USH2A: variants seen among roughly 807,000 people sequenced by gnomAD.
The protein encoded by USH2A is Usher syndrome 2A (autosomal recessive, mild).
A neutral mutation model predicts 538.9 loss-of-function variants in USH2A; 443 were observed. That is an observed-to-expected ratio of 0.82 (90% CI 0.76 to 0.89). The LOEUF (loss-of-function observed/expected upper bound fraction) is 0.89, where lower values mean the gene tolerates loss of function less well. USH2A is among the 40% of genes least tolerant of loss of function. USH2A has a pLI of 0.00. For synonymous variants in USH2A, 2,413 were observed against 2,273.5 expected, an observed-to-expected ratio of 1.06 and a Z score of -1.75; for missense variants, 6,633 against 6,324.8, an observed-to-expected ratio of 1.05 and a Z score of -1.65.
intron 37 of USH2A, among the ~76,000 whole-genome samples, chr1:215,946,944 G>A (rs1049919622): frequency 6.6e-6 from 1 of 151,482 alleles, no homozygotes; most frequent in Non-Finnish European, 1.5e-5. Flanking sequence ...ACATAGATTT[G>A]GTAGAAAAAA....
At chr1:216,270,118 G>T (rs1192207245) in intron 11 of USH2A, among the ~76,000 whole-genome samples, 1 of 152,048 alleles carries the variant, frequency 6.6e-6, no homozygotes, top group Non-Finnish European at 1.5e-5. Flanking sequence ...GTAATTTGAA[G>T]CAACACTTTT....
chr1:215,827,147 C>A (rs901206284), intron 47 of USH2A, among the ~76,000 whole-genome samples: 1 of 152,202 alleles, frequency 6.6e-6, no homozygotes, highest in African/African-American at 2.4e-5. Context: ...TTTGAGACAT[C>A]AGTATGGCTT....
In USH2A at chr1:215,786,658, G is replaced by A. The variant is rs758290152; in HGVS notation, c.10387+12C>T. On this transcript the variant is annotated intron_variant, in intron 52 of 71. Transcript: ENST00000307340. ...CCATTAAGCCATGGGCAGACAGCTT[G>A]CTTTCTGTTACCTGTGTAAGAGTAC... The A allele has an allele frequency of 6.2e-7, 1 of 1,613,800 alleles. No individual in the cohort carries two copies. Among genetic ancestry groups the A allele is most frequent in the South Asian group, 1.1e-5 (1 of 91,080 alleles).
At chr1:215,933,286 A>C (rs1216309097) in intron 38 of USH2A, among the ~76,000 whole-genome samples, 1 of 151,936 alleles carries the variant, frequency 6.6e-6, no homozygotes, top group African/African-American at 2.4e-5. Flanking sequence ...AAAAATGAAG[A>C]TATGAATACC....
rs764962815 is a variant in USH2A, at chr1:215,786,739, T to C, written c.10318A>G (p.Ile3440Val). 4 of 1,614,004 alleles carry C rather than the reference T, an allele frequency of 2.5e-6. No individual in the cohort carries two copies. Among genetic ancestry groups the C allele is most frequent in the African/African-American group, 1.3e-5 (1 of 75,024 alleles). The stretch of plus-strand genomic sequence containing the variant: ...TCGGCAGATGAACACATTTCTTCAA[T>C]TGATGCCTTCCCTGTGGAATTGTGA... The part of the protein sequence containing the change: ...GSHNSTGKAS[I>V]EEMCSSAEET... The change falls in exon 52 of 72, where the codon ATT becomes GTT. Residue 3440 changes from isoleucine (I) to valine (V), a missense_variant. By Grantham distance (29) the Ile-to-Val change is conservative. Transcript: ENST00000307340.
intron 21 of USH2A, among the ~76,000 whole-genome samples, chr1:216,112,403 A>G (rs548861553): frequency 8.5e-5 from 13 of 152,280 alleles, no homozygotes; most frequent in South Asian, 2.1e-4. Flanking sequence ...CTTTAATGTA[A>G]AAGAAGTGTT....
chr1:216,357,054 G>T (rs940279530), intron 4 of USH2A, among the ~76,000 whole-genome samples: 8 of 151,944 alleles, frequency 5.3e-5, no homozygotes, highest in Admixed American at 2.0e-4. Context: ...TGCTAATAAA[G>T]GTCCTTAATA....
chr1:215,705,351 T>C (rs1659155431), intron 61 of USH2A, among the ~76,000 whole-genome samples: 1 of 152,228 alleles, frequency 6.6e-6, no homozygotes, highest in Non-Finnish European at 1.5e-5. Context: ...AATCATAGTA[T>C]GATTTTTTGA....
intron 32 of USH2A, among the ~76,000 whole-genome samples, chr1:216,045,361 AG>A (rs1454214388): frequency 6.6e-6 from 1 of 152,194 alleles, no homozygotes; most frequent in Non-Finnish European, 1.5e-5. Context: ...AAGTTTTTCA[AG>A]AATTTACTTC....
At chr1:216,300,771 G>C (rs2037200011) in intron 9 of USH2A, among the ~76,000 whole-genome samples, 1 of 145,064 alleles carries the variant, frequency 6.9e-6, no homozygotes, top group Non-Finnish European at 1.5e-5. Flanking sequence ...GGAGATAAAG[G>C]ACAGAGTCTT....
intron 64 of USH2A, among the ~76,000 whole-genome samples, chr1:215,656,124 G>A (rs1226729320): frequency 1.3e-5 from 2 of 152,152 alleles, no homozygotes; most frequent in Non-Finnish European, 2.9e-5. Flanking sequence ...ATATTAAAAA[G>A]GTCTTTCTAA....
At chr1:215,907,826 T>A (rs1665678987) in intron 38 of USH2A, among the ~76,000 whole-genome samples, 1 of 151,938 alleles carries the variant, frequency 6.6e-6, no homozygotes, top group Non-Finnish European at 1.5e-5. Context: ...AAAAACTGGA[T>A]GAATGGATGG....
intron 49 of USH2A, among the ~76,000 whole-genome samples, chr1:215,807,473 T>C (rs924466711): frequency 2.0e-5 from 3 of 152,170 alleles, no homozygotes; most frequent in Non-Finnish European, 2.9e-5. Flanking sequence ...ATTCCCTCTA[T>C]TTGTCAATAG....
chr1:215,786,260 T>A (rs1202872941), intron 52 of USH2A, among the ~76,000 whole-genome samples: 1 of 152,212 alleles, frequency 6.6e-6, no homozygotes, highest in Non-Finnish European at 1.5e-5. Flanking sequence ...AGAGTAGCAC[T>A]GTTAGGTTTT....
chr1:215,649,495 C>A (rs1195774172), intron 65 of USH2A, among the ~76,000 whole-genome samples: 3 of 152,134 alleles, frequency 2.0e-5, no homozygotes, highest in African/African-American at 7.2e-5. Context: ...GCATACAATG[C>A]CCTCCAAATA....
chr1:216,226,201 T>C (rs1181605533), intron 14 of USH2A, among the ~76,000 whole-genome samples: 1 of 152,216 alleles, frequency 6.6e-6, no homozygotes, highest in East Asian at 1.9e-4. Context: ...ACATATAATA[T>C]GGAGCTAATT....
chr1:216,225,283 G>T (rs955079936), intron 14 of USH2A, among the ~76,000 whole-genome samples: 1 of 152,126 alleles, frequency 6.6e-6, no homozygotes, highest in Non-Finnish European at 1.5e-5. Flanking sequence ...ACATTAAAAA[G>T]AACCCACTTT....
At chr1:215,947,805 AT>A (rs1466868619) in intron 37 of USH2A, among the ~76,000 whole-genome samples, 1 of 152,222 alleles carries the variant, frequency 6.6e-6, no homozygotes, top group Non-Finnish European at 1.5e-5. Context: ...ACATTTTACT[AT>A]TTACAATGAA....
At chr1:215,891,749 A>G (rs1665215593) in intron 40 of USH2A, among the ~76,000 whole-genome samples, 1 of 152,170 alleles carries the variant, frequency 6.6e-6, no homozygotes, top group Non-Finnish European at 1.5e-5. Flanking sequence ...TAACTGTAAA[A>G]TCAATGTGGA....
Sources: allele counts gnomAD v4.1 joint callset (sites outside exome capture counted in the v4.1 genomes callset), GRCh38; gene constraint gnomAD v4.1.1; transcripts MANE v1.5; gene names NCBI Gene and HGNC (gene_info 2026-07-23, HGNC 2026-07-21).